BCR: variants seen among roughly 807,000 people sequenced by gnomAD.
The protein encoded by BCR is BCR activator of RhoGEF and GTPase.
A neutral mutation model predicts 138.6 loss-of-function variants in BCR; 58 were observed. That is an observed-to-expected ratio of 0.42 (90% confidence interval 0.34 to 0.52). BCR has a LOEUF of 0.52. Among genes scored for constraint, BCR ranks in the 20% least tolerant of loss-of-function variants. The pLI, the probability that BCR is intolerant of heterozygous loss-of-function variation, is 0.06. For synonymous variants in BCR, 786 were observed against 730.1 expected (o/e 1.08, Z -1.23); for missense variants, 1,599 against 1,727.2 (o/e 0.93, Z 1.32).
Position 23,273,681 on chromosome 22 carries a change from G to A in BCR, c.2022G>A (p.Leu674=), listed in dbSNP as rs1365807191. 4.3e-6 allele frequency: 7 copies of A among 1,614,148 alleles called. No homozygotes were observed. Among genetic ancestry groups the A allele is most frequent in the Non-Finnish European group, 5.9e-6 (7 of 1,180,042 alleles). The change falls in exon 8 of 23, where the codon CTG becomes CTA. Residue 674 remains leucine, a synonymous_variant. Transcript: ENST00000305877. ...CCAGCCACCCTGACCACCCCTTGCT[G>A]CAGGACGCCCTCCGCATCTCACAGA... ...TPASHPDHPL[L]QDALRISQNF... is the part of the protein sequence containing the mutation.
chr22:23,236,832 A>T (rs551234475), intron 1 of BCR, among the ~76,000 whole-genome samples: 1 of 152,290 alleles, frequency 6.6e-6, no homozygotes, highest in South Asian at 2.1e-4. Flanking sequence ...CTTGTTCTCT[A>T]CTGGCCTGTC....
intron 16 of BCR, 71 bp downstream of exon 16, chr22:23,295,226 T>C: frequency 6.7e-7 from 1 of 1,499,478 alleles, no homozygotes; most frequent in Non-Finnish European, 9.1e-7. Flanking sequence ...CTGGGGACAC[T>C]GAGATGGTCA....
intron 4 of BCR, among the ~76,000 whole-genome samples, chr22:23,266,406 T>C (rs2073441828): frequency 6.6e-6 from 1 of 151,678 alleles, no homozygotes; most frequent in Non-Finnish European, 1.5e-5. Flanking sequence ...TTTTCCCTTT[T>C]GGAGATGGAG....
intron 1 of BCR, among the ~76,000 whole-genome samples, chr22:23,220,203 G>A (rs1420884910): frequency 3.3e-5 from 5 of 152,214 alleles, no homozygotes; most frequent in East Asian, 1.9e-4. Context: ...GGACCAACAG[G>A]ATCTACCTCC....
At chr22:23,223,930 C>T (rs2072859295) in intron 1 of BCR, among the ~76,000 whole-genome samples, 1 of 152,206 alleles carries the variant, frequency 6.6e-6, no homozygotes. Context: ...CTCTTCCTGC[C>T]TTTCCCAAAG....
At chr22:23,308,507 A>G (rs1279138647) in intron 16 of BCR, among the ~76,000 whole-genome samples, 2 of 152,032 alleles carry the variant, frequency 1.3e-5, no homozygotes, top group Non-Finnish European at 2.9e-5. Context: ...GGGTTTCACC[A>G]TGTTAGCCAG....
chr22:23,204,458 G>T (rs2072589181), intron 1 of BCR, among the ~76,000 whole-genome samples: 1 of 142,320 alleles, frequency 7.0e-6, no homozygotes, highest in Non-Finnish European at 1.5e-5. Flanking sequence ...AGATCCGTTA[G>T]TTTTGTGATT....
chr22:23,225,111 T>C (rs2072873982), intron 1 of BCR, among the ~76,000 whole-genome samples: 2 of 151,536 alleles, frequency 1.3e-5, no homozygotes, highest in African/African-American at 4.9e-5. Flanking sequence ...CCTCTGAGAC[T>C]CAGTATTTTC....
rs539006106 is a variant in BCR at position 23,265,470 on chromosome 22, C to T, written c.1753-2938C>T. Among the ~76,000 whole-genome samples, 41 of 152,322 alleles carry T rather than the reference C, an allele frequency of 2.7e-4. 2 individuals are homozygous for T. Among genetic ancestry groups the T allele is most frequent in the African/African-American group, 8.7e-4 (36 of 41,566 alleles). On this transcript the variant is annotated intron_variant, in intron 4 of 22. Transcript: ENST00000305877. The stretch of plus-strand genomic sequence containing the variant: ...GGAGCTTGCAGTGCCCTTCCCAGCT[C>T]CGGTGCCTCTTCCAAGCCCAGGAAC...
Position 23,204,797 on chromosome 22 carries a change from C to T in BCR, c.1279+22558C>T, listed in dbSNP as rs1044152193. On this transcript the variant is annotated intron_variant, in intron 1 of 22. Transcript: ENST00000305877. ...GTGGGCAGCGGGAGGCCCTGCCGTCCGCGTGGATGGGGGAGACGGCAGCAT... is the reference window on the plus strand; with the variant it reads ...GTGGGCAGCGGGAGGCCCTGCCGTCTGCGTGGATGGGGGAGACGGCAGCAT... 7.2e-5 allele frequency among the ~76,000 whole-genome samples: 11 copies of T among 152,246 alleles called. 1 individual carries two copies. Among genetic ancestry groups the T allele is most frequent in the South Asian group, 6.2e-4 (3 of 4,818 alleles).
chr22:23,194,614 G>A (rs1044326132), intron 1 of BCR, among the ~76,000 whole-genome samples: 6 of 151,876 alleles, frequency 4.0e-5, no homozygotes, highest in South Asian at 2.1e-4. Flanking sequence ...GGGTTTCACC[G>A]TGTTAGCCAG....
chr22:23,313,127 C>G, intron 20 of BCR, 106 bp downstream of exon 20: 1 of 1,391,084 alleles, frequency 7.2e-7, no homozygotes, highest in South Asian at 1.3e-5. Context: ...TGTGCCCCCT[C>G]TGCCATGGTC....
intron 5 of BCR, among the ~76,000 whole-genome samples, chr22:23,269,532 A>G (rs2073484972): frequency 6.6e-6 from 1 of 152,062 alleles, no homozygotes; most frequent in Admixed American, 6.5e-5. Context: ...ATTGTTTATC[A>G]CCGGATGGAG....
chr22:23,288,357 C>G (rs2073742146), intron 12 of BCR, among the ~76,000 whole-genome samples, 185 bp downstream of exon 12: 1 of 151,956 alleles, frequency 6.6e-6, no homozygotes. Flanking sequence ...CCCTCTTGTT[C>G]CCCTGCCAGC....
At chr22:23,213,973 A>G (rs1670450815) in intron 1 of BCR, among the ~76,000 whole-genome samples, 1 of 152,224 alleles carries the variant, frequency 6.6e-6, no homozygotes. Context: ...GGTAAAATAC[A>G]GTAAGTTTCC....
chr22:23,203,756 A>G (rs5996486), intron 1 of BCR, among the ~76,000 whole-genome samples: 10,932 of 152,266 alleles, frequency 0.072, 1,316 homozygotes, highest in African/African-American at 0.25. Flanking sequence ...GTTGTGGGCT[A>G]CTTGTAACTG....
chr22:23,206,941 TCCTC>T (rs933721388), intron 1 of BCR, among the ~76,000 whole-genome samples: 139 of 30,010 alleles, frequency 4.6e-3, no homozygotes, highest in South Asian at 0.023. Context: ...ATCCATTCAT[TCCTC>T]CCTCCCTCCC....
At chr22:23,222,571 G>A (rs1401395028) in intron 1 of BCR, among the ~76,000 whole-genome samples, 3 of 152,202 alleles carry the variant, frequency 2.0e-5, no homozygotes, top group Non-Finnish European at 4.4e-5. Flanking sequence ...AGGGTGGGAT[G>A]TGGCAAAGGG....
chr22:23,271,502 C>T (rs998575691), intron 5 of BCR, 30 bp from the exon 6 acceptor site: 1 of 1,611,646 alleles, frequency 6.2e-7, no homozygotes, highest in Non-Finnish European at 8.5e-7. Flanking sequence ...CTTCTGTCAT[C>T]TGTGTGAACA....
Sources: gnomAD v4.1 joint callset for allele counts (sites outside exome capture counted in the v4.1 genomes callset) on GRCh38, gnomAD v4.1.1 for gene constraint, MANE v1.5 for transcripts, NCBI Gene and HGNC (gene_info 2026-07-23, HGNC 2026-07-21) for gene names.